Variants in CUL5 observed in about 807,000 individuals in gnomAD.
CUL5 encodes cullin-5.
CUL5 carries 26 observed loss-of-function variants against 108.8 expected under a neutral mutation model. The ratio of observed to expected loss-of-function variants is 0.24; its 90% confidence interval spans 0.18 to 0.33. The LOEUF (loss-of-function observed/expected upper bound fraction) is 0.33. CUL5 is among the 10% of genes least tolerant of loss of function. CUL5 has a pLI of 1.00. For synonymous variants in CUL5, 334 were observed against 298.0 expected (o/e 1.12, Z -1.25); for missense variants, 524 against 909.2 (o/e 0.58, Z 5.45).
intron 1 of CUL5, among the ~76,000 whole-genome samples, chr11:108,031,718 ACATATGTT>A (rs1368759865): frequency 3.3e-5 from 5 of 152,198 alleles, no homozygotes; most frequent in Admixed American, 1.3e-4. Context: ...ACACATGCAC[ACATATGTT>A]CATCACAGCA....
At chr11:108,010,031 G>C (rs113606327) in intron 1 of CUL5, among the ~76,000 whole-genome samples, 1,700 of 152,334 alleles carry the variant, frequency 0.011, 30 homozygotes, top group African/African-American at 0.038. Flanking sequence ...GCGCAGGAAA[G>C]TTACCTTGTC....
chr11:108,063,805 C>T (rs531002494), intron 7 of CUL5, among the ~76,000 whole-genome samples: 1 of 152,060 alleles, frequency 6.6e-6, no homozygotes. Context: ...TTTTGAGGAA[C>T]CTCCAAACTG....
At chr11:108,043,188 G>T (rs937519751) in intron 2 of CUL5, among the ~76,000 whole-genome samples, 6 of 152,322 alleles carry the variant, frequency 3.9e-5, no homozygotes, top group African/African-American at 1.4e-4. Flanking sequence ...TCTTCCCTCA[G>T]CCTCCTGAAA....
intron 10 of CUL5, among the ~76,000 whole-genome samples, chr11:108,075,800 G>A (rs139325787): frequency 1.6e-4 from 24 of 152,180 alleles, no homozygotes; most frequent in African/African-American, 5.8e-4. Flanking sequence ...GATTATAGAC[G>A]TGAGCCACCA....
intron 2 of CUL5, among the ~76,000 whole-genome samples, chr11:108,042,850 C>A (rs1189600412): frequency 6.6e-6 from 1 of 151,978 alleles, no homozygotes; most frequent in Non-Finnish European, 1.5e-5. Flanking sequence ...GCAACCTCCG[C>A]TTCCAGGGTT....
intron 18 of CUL5, among the ~76,000 whole-genome samples, chr11:108,099,018 T>TG (rs1313860595): frequency 6.6e-6 from 1 of 151,054 alleles, no homozygotes; most frequent in East Asian, 1.9e-4. Flanking sequence ...TTTTTTTTTT[T>TG]TTTTGAGACA....
At chr11:108,063,089 C>A (rs1359203965) in intron 7 of CUL5, among the ~76,000 whole-genome samples, 1 of 152,146 alleles carries the variant, frequency 6.6e-6, no homozygotes, top group Non-Finnish European at 1.5e-5. Flanking sequence ...AGGCAATCCA[C>A]CTGGCTCAGC....
chr11:108,091,835 C>T (rs993881136), intron 13 of CUL5, among the ~76,000 whole-genome samples: 8 of 151,744 alleles, frequency 5.3e-5, no homozygotes, highest in African/African-American at 1.9e-4. Flanking sequence ...CATCATTAGT[C>T]ATTAGTGAAA....
At chr11:108,015,995 C>T (rs1226298970) in intron 1 of CUL5, among the ~76,000 whole-genome samples, 3 of 152,094 alleles carry the variant, frequency 2.0e-5, no homozygotes, top group Non-Finnish European at 4.4e-5. Flanking sequence ...GATCATGGCT[C>T]ACTGCAGTCT....
intron 7 of CUL5, among the ~76,000 whole-genome samples, chr11:108,057,532 A>C (rs1312375330): frequency 1.3e-5 from 2 of 152,194 alleles, no homozygotes; most frequent in East Asian, 1.9e-4. Flanking sequence ...TACTCTTGCC[A>C]AAAATGTGTA....
intron 7 of CUL5, among the ~76,000 whole-genome samples, chr11:108,062,090 A>G (rs377541000): frequency 8.5e-5 from 13 of 152,362 alleles, no homozygotes; most frequent in African/African-American, 2.9e-4. Flanking sequence ...GCCAAAGCAT[A>G]TCACAATCTA....
At chr11:108,016,472 T>G (rs957963557) in intron 1 of CUL5, among the ~76,000 whole-genome samples, 1 of 152,088 alleles carries the variant, frequency 6.6e-6, no homozygotes, top group African/African-American at 2.4e-5. Context: ...CAGGCTAGTC[T>G]GGAATTCCTG....
chr11:108,033,912 G>C lies in CUL5; in HGVS notation c.134+1G>C. ...AACAGCAGTGGTTTGATCTGTTTTCGTAAGTACCCCACTAATTCTGTTTGC... is the reference window on the plus strand; with the variant it reads ...AACAGCAGTGGTTTGATCTGTTTTCCTAAGTACCCCACTAATTCTGTTTGC... On this transcript the variant is annotated splice_donor_variant, in intron 2 of 18. Transcript: ENST00000393094. LOFTEE classifies it high-confidence loss of function. The C allele has an allele frequency of 6.3e-7, 1 of 1,581,278 alleles. No individual in the cohort carries two copies. Among genetic ancestry groups the C allele is most frequent in the Non-Finnish European group, 8.7e-7 (1 of 1,155,310 alleles).
At position 108,097,725 on chromosome 11, in the gene CUL5, C is replaced by T. The variant is rs1433217798; in HGVS notation, c.1995C>T (p.Leu665=). The T allele has an allele frequency of 6.2e-6, 10 of 1,607,468 alleles. No homozygotes were observed. The highest frequency in any genetic ancestry group is 8.5e-6 in the Non-Finnish European group (10 of 1,174,284). Residue 665 remains leucine (L), a synonymous_variant, in exon 17 of 19, where the codon CTC becomes CTT. Transcript: ENST00000393094. ...CCAAAGACTTTACAGAAGGTACCCT[C>T]TTCTCAGTGAACCAGGAGTTCAGTT... is the stretch of plus-strand genomic sequence containing the variant. ...NSPKDFTEGT[L]FSVNQEFSLI... is the part of the protein sequence containing the mutation.
At chr11:108,010,922 T>C (rs1382646791) in intron 1 of CUL5, among the ~76,000 whole-genome samples, 1 of 152,178 alleles carries the variant, frequency 6.6e-6, no homozygotes, top group Non-Finnish European at 1.5e-5. Context: ...TCCTACAATA[T>C]AGGTGCTATT....
At chr11:108,075,988 C>A (rs1402331709) in intron 10 of CUL5, among the ~76,000 whole-genome samples, 1 of 152,090 alleles carries the variant, frequency 6.6e-6, no homozygotes, top group Non-Finnish European at 1.5e-5. Context: ...GTCTACTTAG[C>A]ATGAATCCAA....
At chr11:108,040,762 G>C (rs900978874) in intron 2 of CUL5, among the ~76,000 whole-genome samples, 3 of 152,074 alleles carry the variant, frequency 2.0e-5, no homozygotes, top group African/African-American at 7.2e-5. Context: ...CAGGGTGACA[G>C]GGAGAGACCC....
chr11:108,071,325 A>C (rs1392733806), intron 8 of CUL5, among the ~76,000 whole-genome samples: 1 of 152,096 alleles, frequency 6.6e-6, no homozygotes, highest in East Asian at 1.9e-4. Flanking sequence ...CGATGGCACG[A>C]TCACAATTCA....
In CUL5 at chr11:108,013,218, C is replaced by T. The variant is rs547084027; in HGVS notation, c.24+3846C>T. 2.4e-3 allele frequency among the ~76,000 whole-genome samples: 360 copies of T among 152,242 alleles called. 1 individual carries two copies. The highest frequency in any genetic ancestry group is 8.4e-3 in the African/African-American group (349 of 41,552). Reference sequence around the variant, plus strand: ...TCTCTCTCAAATCACGTTTGTTTTTCACTGACTTCCCTCCCCTGTCCCCAA... The same window carrying T: ...TCTCTCTCAAATCACGTTTGTTTTTTACTGACTTCCCTCCCCTGTCCCCAA... On this transcript the variant is annotated intron_variant, in intron 1 of 18. Transcript: ENST00000393094.
Sources: allele counts gnomAD v4.1 joint callset (sites outside exome capture counted in the v4.1 genomes callset), GRCh38; gene constraint gnomAD v4.1.1; transcripts MANE v1.5; gene names NCBI Gene and HGNC (gene_info 2026-07-23, HGNC 2026-07-21).